STEAP1B: variants seen among roughly 807,000 people sequenced by gnomAD.
The protein encoded by STEAP1B is STEAP family member 1B, also known as STEAP family protein MGC87042.
A neutral mutation model predicts 27.9 loss-of-function variants in STEAP1B; 13 were observed. The observed-to-expected ratio is 0.47, with a 90% CI of 0.30 to 0.74. The LOEUF (loss-of-function observed/expected upper bound fraction) is 0.74. STEAP1B is among the 30% of genes least tolerant of loss of function. STEAP1B has a pLI of 0.06. For synonymous variants in STEAP1B, 86 were observed against 107.1 expected (o/e 0.80, Z 1.22); for missense variants, 250 against 298.7 (o/e 0.84, Z 1.20).
chr7:22,495,915 T>C (rs988981239), intron 1 of STEAP1B, among the ~76,000 whole-genome samples: 1 of 152,242 alleles, frequency 6.6e-6, no homozygotes, highest in Non-Finnish European at 1.5e-5. Context: ...TACAATACTA[T>C]ACTTTTTATT....
intron 4 of STEAP1B, among the ~76,000 whole-genome samples, chr7:22,468,707 G>A (rs550871997): frequency 2.3e-4 from 35 of 152,268 alleles, no homozygotes; most frequent in African/African-American, 4.3e-4. Flanking sequence ...ATACAGTCAC[G>A]CATTGCATAA....
At chr7:22,474,441 G>GC (rs1785937751) in intron 4 of STEAP1B, among the ~76,000 whole-genome samples, 1 of 152,204 alleles carries the variant, frequency 6.6e-6, no homozygotes, top group Non-Finnish European at 1.5e-5. Context: ...GGAATCTAAA[G>GC]CCCCCAAGTT....
chr7:22,460,012 G>A (rs1785651605), intron 4 of STEAP1B, among the ~76,000 whole-genome samples: 1 of 152,076 alleles, frequency 6.6e-6, no homozygotes, highest in African/African-American at 2.4e-5. Flanking sequence ...TTATGAGACT[G>A]TAAGATATGA....
chr7:22,477,257 A>G (rs1021562938), intron 4 of STEAP1B, among the ~76,000 whole-genome samples: 1 of 152,124 alleles, frequency 6.6e-6, no homozygotes, highest in Non-Finnish European at 1.5e-5. Context: ...TTTGACATTG[A>G]CTGTAAGATT....
chr7:22,490,199 T>C (rs191198493), intron 4 of STEAP1B, among the ~76,000 whole-genome samples: 3 of 152,256 alleles, frequency 2.0e-5, no homozygotes, highest in East Asian at 3.9e-4. Flanking sequence ...AAACTGACAA[T>C]TATATCTCAA....
At chr7:22,449,962 G>T (rs964516454) in intron 4 of STEAP1B, among the ~76,000 whole-genome samples, 7 of 152,130 alleles carry the variant, frequency 4.6e-5, no homozygotes, top group African/African-American at 1.7e-4. Flanking sequence ...TGTCTATTCA[G>T]ATCTTTTGCC....
chr7:22,489,116 T>C (rs968960315), intron 4 of STEAP1B, among the ~76,000 whole-genome samples: 3 of 151,902 alleles, frequency 2.0e-5, no homozygotes, highest in Non-Finnish European at 4.4e-5. Flanking sequence ...GTTCTCGCCA[T>C]AGAGGCAGCA....
intron 4 of STEAP1B, among the ~76,000 whole-genome samples, chr7:22,424,932 C>T (rs750566643): frequency 6.7e-6 from 1 of 150,108 alleles, no homozygotes; most frequent in Non-Finnish European, 1.5e-5. Context: ...AGGATCATTT[C>T]AATTAATAAA....
intron 4 of STEAP1B, among the ~76,000 whole-genome samples, chr7:22,468,600 C>T (rs1415619524): frequency 6.6e-6 from 1 of 152,174 alleles, no homozygotes; most frequent in African/African-American, 2.4e-5. Flanking sequence ...AAGACAAAGA[C>T]CTGCACACAA....
chr7:22,477,416 T>A (rs1440434369), intron 4 of STEAP1B, among the ~76,000 whole-genome samples: 1 of 152,162 alleles, frequency 6.6e-6, no homozygotes, highest in Non-Finnish European at 1.5e-5. Flanking sequence ...ACATCCAGCC[T>A]GACAAATACA....
intron 4 of STEAP1B, among the ~76,000 whole-genome samples, chr7:22,453,723 A>C (rs545769410): frequency 7.2e-5 from 11 of 152,240 alleles, no homozygotes; most frequent in Non-Finnish European, 1.6e-4. Context: ...CCCTGTCCCT[A>C]GATGTAACCA....
intron 4 of STEAP1B, chr7:22,438,829 G>T (rs1785290132): frequency 7.0e-7 from 1 of 1,433,190 alleles, no homozygotes; most frequent in African/African-American, 1.4e-5. Context: ...TGTGATAAGT[G>T]TATAATGAGA....
At chr7:22,483,103 G>C (rs1786113276) in intron 4 of STEAP1B, among the ~76,000 whole-genome samples, 1 of 151,938 alleles carries the variant, frequency 6.6e-6, no homozygotes, top group Non-Finnish European at 1.5e-5. Context: ...CACCAGGATG[G>C]AAAAGGGGTA....
chr7:22,446,328 G>A (rs1400381152), intron 4 of STEAP1B, among the ~76,000 whole-genome samples: 1 of 152,238 alleles, frequency 6.6e-6, no homozygotes, highest in African/African-American at 2.4e-5. Context: ...CTCTGGGACA[G>A]GACTGCGCTT....
chr7:22,492,561 T>C lies in STEAP1B; in HGVS notation c.762+4A>G. The C allele has an allele frequency of 1.3e-6, 2 of 1,585,446 alleles. No individual in the cohort carries two copies. Among genetic ancestry groups the C allele is most frequent in the Middle Eastern group, 1.7e-4 (1 of 5,900 alleles). ...CTCTTAGGGTTATTTTATATATTATTTACCTGAATATAGTGAAATTCTCTC... is the reference window on the plus strand; with the variant it reads ...CTCTTAGGGTTATTTTATATATTATCTACCTGAATATAGTGAAATTCTCTC... On this transcript the variant is annotated splice_donor_region_variant and intron_variant, in intron 4 of 4. Coordinates refer to ENST00000678116, the MANE Select transcript of STEAP1B (RefSeq NM_001382447.1).
intron 4 of STEAP1B, among the ~76,000 whole-genome samples, chr7:22,434,089 A>G (rs1355283235): frequency 1.3e-5 from 2 of 152,210 alleles, no homozygotes; most frequent in African/African-American, 2.4e-5. Context: ...TCTCCATGAG[A>G]ACAAAAGGCC....
intron 4 of STEAP1B, among the ~76,000 whole-genome samples, chr7:22,473,535 G>A (rs538031355): frequency 6.6e-6 from 1 of 152,204 alleles, no homozygotes; most frequent in African/African-American, 2.4e-5. Context: ...TCTGTGTCTT[G>A]AGTGCTGAAA....
chr7:22,476,443 G>A (rs997693660), intron 4 of STEAP1B, among the ~76,000 whole-genome samples: 1 of 152,172 alleles, frequency 6.6e-6, no homozygotes, highest in African/African-American at 2.4e-5. Flanking sequence ...TGGCTTGCAA[G>A]AGGCACGCAG....
chr7:22,452,318 A>G (rs1442308679), intron 4 of STEAP1B, among the ~76,000 whole-genome samples: 2 of 151,788 alleles, frequency 1.3e-5, no homozygotes, highest in African/African-American at 4.8e-5. Context: ...GACCCTCCAC[A>G]CTCCAATTTG....
Sources: gnomAD v4.1 joint callset for allele counts (sites outside exome capture counted in the v4.1 genomes callset) on GRCh38, gnomAD v4.1.1 for gene constraint, MANE v1.5 for transcripts, NCBI Gene and HGNC (gene_info 2026-07-23, HGNC 2026-07-21) for gene names.